TBC1D14: variants seen among roughly 807,000 people sequenced by gnomAD.
The protein encoded by TBC1D14 is TBC1 domain family member 14.
TBC1D14 carries 26 observed loss-of-function variants against 79.0 expected under a neutral mutation model. The observed-to-expected ratio is 0.33, with a 90% CI of 0.24 to 0.46. The LOEUF is 0.46. Among genes scored for constraint, TBC1D14 ranks in the 20% least tolerant of loss-of-function variants. The probability of loss-of-function intolerance (pLI) is 1.00; values close to 1 mark genes in which losing one functional copy is unlikely to be tolerated. For synonymous variants in TBC1D14, 394 were observed against 349.9 expected (o/e 1.13, Z -1.40); for missense variants, 769 against 887.6 (o/e 0.87, Z 1.70).
At chr4:6,945,680 C>T (rs1713368422) in intron 2 of TBC1D14, among the ~76,000 whole-genome samples, 1 of 137,940 alleles carries the variant, frequency 7.2e-6, no homozygotes. Context: ...ACCCGGGAGG[C>T]GGAGGTTGCG....
chr4:7,025,466 G>T (rs1722269104), intron 13 of TBC1D14, among the ~76,000 whole-genome samples: 1 of 152,226 alleles, frequency 6.6e-6, no homozygotes, highest in Admixed American at 6.5e-5. Flanking sequence ...CTGTCAGCTG[G>T]ATGGGGTGTG....
At chr4:6,914,456 A>G (rs748916297) in intron 1 of TBC1D14, among the ~76,000 whole-genome samples, 2 of 152,190 alleles carry the variant, frequency 1.3e-5, no homozygotes, top group South Asian at 2.1e-4. Context: ...TCCATTTTAC[A>G]TAATGCAGAT....
intron 9 of TBC1D14, among the ~76,000 whole-genome samples, chr4:7,009,635 C>T (rs1720545188): frequency 6.6e-6 from 1 of 152,200 alleles, no homozygotes; most frequent in Admixed American, 6.5e-5. Context: ...GGTGGTGCTC[C>T]TGCCTGGCCC....
intron 5 of TBC1D14, among the ~76,000 whole-genome samples, 174 bp downstream of exon 5, chr4:6,996,581 C>T (rs898819115): frequency 4.7e-5 from 7 of 150,358 alleles, no homozygotes; most frequent in South Asian, 4.2e-4. Flanking sequence ...CAAGCGAAAA[C>T]AGGGCTGCAG....
chr4:7,018,079 G>T (rs972091831), intron 12 of TBC1D14, among the ~76,000 whole-genome samples: 10 of 152,184 alleles, frequency 6.6e-5, no homozygotes, highest in African/African-American at 2.4e-4. Context: ...AGTCACTGAG[G>T]CCCATGGTGT....
At chr4:6,941,623 C>T (rs1051129566) in intron 2 of TBC1D14, among the ~76,000 whole-genome samples, 16 of 138,534 alleles carry the variant, frequency 1.2e-4, no homozygotes, top group South Asian at 1.1e-3. Context: ...AAAAGACCTT[C>T]CTCAGCTTGC....
At chr4:6,963,939 A>T (rs1715471563) in intron 2 of TBC1D14, among the ~76,000 whole-genome samples, 1 of 152,058 alleles carries the variant, frequency 6.6e-6, no homozygotes, top group South Asian at 2.1e-4. Context: ...CTGGGATTAC[A>T]GGCGTGCGCC....
At chr4:6,936,588 C>A (rs989382223) in intron 2 of TBC1D14, among the ~76,000 whole-genome samples, 5 of 152,312 alleles carry the variant, frequency 3.3e-5, no homozygotes, top group African/African-American at 1.2e-4. Context: ...CTGCCATAAT[C>A]ATCTGTGTGA....
Position 6,967,437 on chromosome 4 carries a change from C to T in TBC1D14, c.843+13C>T, listed in dbSNP as rs764020649. The T allele has an allele frequency of 4.1e-5, 66 of 1,609,442 alleles. No individual in the cohort carries two copies. Among genetic ancestry groups the T allele is most frequent in the Non-Finnish European group, 4.7e-5 (55 of 1,179,062 alleles). On this transcript the variant is annotated intron_variant, in intron 3 of 13. Transcript: ENST00000409757. Reference sequence around the variant, plus strand: ...GAGAATACAGAAGGTACACAAGATACAAAATCACAGAAATAGGCTGTTGGA... The same window carrying T: ...GAGAATACAGAAGGTACACAAGATATAAAATCACAGAAATAGGCTGTTGGA...
At chr4:6,916,938 C>T (rs1416851575) in intron 1 of TBC1D14, among the ~76,000 whole-genome samples, 3 of 152,310 alleles carry the variant, frequency 2.0e-5, no homozygotes, top group Middle Eastern at 3.4e-3. Context: ...GTCACTAGGA[C>T]GTTAGTGATT....
Position 6,955,402 on chromosome 4 carries a change from C to T in TBC1D14, c.723-11902C>T, listed in dbSNP as rs1458204826. Among the ~76,000 whole-genome samples the T allele has an allele frequency of 2.0e-5, 3 of 152,118 alleles. No homozygotes were observed. In the East Asian group the frequency reaches 5.8e-4, roughly 29 times the overall value. ...TGTCCGTACGGTGGCGGCTGTAATA[C>T]CTTTCTTGTAGGGTCATGGGAGGAG... On this transcript the variant is annotated intron_variant, in intron 2 of 13. Transcript: ENST00000409757.
intron 13 of TBC1D14, among the ~76,000 whole-genome samples, chr4:7,027,276 C>T (rs1476489508): frequency 7.9e-6 from 1 of 126,136 alleles, no homozygotes; most frequent in African/African-American, 3.1e-5. Context: ...AGTTTTATGG[C>T]ATATACATAT....
chr4:6,988,627 T>G (rs1718131096), intron 3 of TBC1D14, among the ~76,000 whole-genome samples: 1 of 152,234 alleles, frequency 6.6e-6, no homozygotes, highest in Admixed American at 6.5e-5. Context: ...TCAGGTTATT[T>G]TCACTGGTGA....
intron 9 of TBC1D14, among the ~76,000 whole-genome samples, chr4:7,008,040 A>G (rs1269273060): frequency 6.6e-6 from 1 of 152,238 alleles, no homozygotes; most frequent in Non-Finnish European, 1.5e-5. Flanking sequence ...TTTGAGCCTT[A>G]GTTTGTTCAT....
chr4:6,994,564 G>A lies in TBC1D14; in HGVS notation c.962+262G>A, dbSNP rs143635741. On this transcript the variant is annotated intron_variant, in intron 4 of 13. Transcript: ENST00000409757. ...TTACTTTAGCATTTAAAAATAAGTT[G>A]TCAGCTGGGTGCAGTGGCTCACGCC... 4.2e-3 allele frequency among the ~76,000 whole-genome samples: 633 copies of A among 152,182 alleles called. 5 individuals are homozygous for A. The highest frequency in any genetic ancestry group is 0.014 in the African/African-American group (579 of 41,520).
In TBC1D14 at chr4:6,953,343, C is replaced by G. The variant is rs375829742; in HGVS notation, c.723-13961C>G. 3.1e-3 allele frequency among the ~76,000 whole-genome samples: 408 copies of G among 129,588 alleles called. 1 individual carries two copies. Among genetic ancestry groups the G allele is most frequent in the African/African-American group, 0.01 (366 of 36,568 alleles). The allele number at this position is 129,588 out of a possible 152,430, so 85.0% of individuals were successfully genotyped here. A position where few individuals can be genotyped will look rare whatever the true frequency, so the allele number is the denominator to read the frequency against. ...CAGCCATAAGAATAGATCAGTTGGCCGGGCGCGGTGGCTCACGCCTGTAAT... is the reference window on the plus strand; with the variant it reads ...CAGCCATAAGAATAGATCAGTTGGCGGGGCGCGGTGGCTCACGCCTGTAAT... On this transcript the variant is annotated intron_variant, in intron 2 of 13. Coordinates refer to ENST00000409757, the MANE Select transcript of TBC1D14 (RefSeq NM_020773.3).
chr4:6,943,708 C>G lies in TBC1D14; in HGVS notation c.722+19597C>G, dbSNP rs111283469. Among the ~76,000 whole-genome samples, 681 of 152,338 alleles carry G rather than the reference C, an allele frequency of 4.5e-3. 10 individuals are homozygous for G. The highest frequency in any genetic ancestry group is 0.016 in the African/African-American group (651 of 41,564). Reference sequence around the variant, plus strand: ...GTCCCTGGACTTCTTTGAGACCACACTAGCCCACTCCCCGCCCCCTCCTGG... The same window carrying G: ...GTCCCTGGACTTCTTTGAGACCACAGTAGCCCACTCCCCGCCCCCTCCTGG... On this transcript the variant is annotated intron_variant, in intron 2 of 13. Coordinates refer to ENST00000409757, the MANE Select transcript of TBC1D14 (RefSeq NM_020773.3).
chr4:7,015,339 A>G (rs1287128455), intron 12 of TBC1D14, among the ~76,000 whole-genome samples: 1 of 152,168 alleles, frequency 6.6e-6, no homozygotes, highest in Non-Finnish European at 1.5e-5. Flanking sequence ...TGGGTATGTC[A>G]GAGAATCATG....
chr4:6,916,861 G>T (rs1723440545), intron 1 of TBC1D14, among the ~76,000 whole-genome samples: 1 of 152,258 alleles, frequency 6.6e-6, no homozygotes, highest in Non-Finnish European at 1.5e-5. Flanking sequence ...AGGTGCTGGG[G>T]CGTTCCTCCT....
Sources: allele counts gnomAD v4.1 joint callset (sites outside exome capture counted in the v4.1 genomes callset), GRCh38; gene constraint gnomAD v4.1.1; transcripts MANE v1.5; gene names NCBI Gene and HGNC (gene_info 2026-07-23, HGNC 2026-07-21).